Variants in HMBOX1 observed in about 807,000 individuals in gnomAD.
HMBOX1 encodes the protein homeobox containing 1.
A neutral mutation model predicts 54.5 loss-of-function variants in HMBOX1; 14 were observed. The ratio of observed to expected loss-of-function variants is 0.26; its 90% confidence interval spans 0.17 to 0.40. HMBOX1 has a LOEUF of 0.40. HMBOX1 is among the 10% of genes least tolerant of loss of function. The pLI, the probability that HMBOX1 is intolerant of heterozygous loss-of-function variation, is 1.00. For missense variants in HMBOX1, 332 were observed against 514.4 expected, an observed-to-expected ratio of 0.65 and a Z score of 3.43; for synonymous variants, 160 against 181.0, an observed-to-expected ratio of 0.88 and a Z score of 0.93.
At chr8:29,011,968 AT>A (rs984920782) in intron 5 of HMBOX1, among the ~76,000 whole-genome samples, 1 of 152,088 alleles carries the variant, frequency 6.6e-6, no homozygotes, top group African/African-American at 2.4e-5. Context: ...AGTACTTTCT[AT>A]TTTTTGTTTA....
chr8:29,012,781 A>G (rs1318726598), intron 5 of HMBOX1, among the ~76,000 whole-genome samples: 1 of 152,216 alleles, frequency 6.6e-6, no homozygotes, highest in Non-Finnish European at 1.5e-5. Flanking sequence ...TCTGCCTTGT[A>G]AGATTAAAAA....
At chr8:28,964,008 T>C (rs897132263) in intron 2 of HMBOX1, 118 bp downstream of exon 2, 21 of 717,498 alleles carry the variant, frequency 2.9e-5, no homozygotes, top group Non-Finnish European at 1.9e-5. Flanking sequence ...AAAGCTTTTT[T>C]AGAAAATGAA....
chr8:28,983,497 G>C (rs1389034362), intron 4 of HMBOX1, among the ~76,000 whole-genome samples: 1 of 152,156 alleles, frequency 6.6e-6, no homozygotes, highest in South Asian at 2.1e-4. Context: ...AGTCCTTGCA[G>C]ACCTCTCTTT....
At chr8:28,904,281 CTCT>C in intron 1 of HMBOX1, among the ~76,000 whole-genome samples, 1 of 140,618 alleles carries the variant, frequency 7.1e-6, no homozygotes, top group African/African-American at 2.7e-5. Context: ...CGGAGTCTTG[CTCT>C]GTCTTCAGGC....
chr8:28,983,349 A>C (rs572535392), intron 4 of HMBOX1, among the ~76,000 whole-genome samples: 4 of 152,312 alleles, frequency 2.6e-5, no homozygotes, highest in African/African-American at 9.6e-5. Flanking sequence ...TGCCATTCCC[A>C]GAATTCTGCC....
intron 1 of HMBOX1, among the ~76,000 whole-genome samples, chr8:28,913,374 T>G (rs950977651): frequency 5.3e-5 from 8 of 152,186 alleles, no homozygotes; most frequent in African/African-American, 1.4e-4. Context: ...TGGGCAAGCT[T>G]TTTCCTGCCT....
chr8:29,000,627 G>A (rs538045148), intron 4 of HMBOX1, among the ~76,000 whole-genome samples: 22 of 152,358 alleles, frequency 1.4e-4, no homozygotes, highest in African/African-American at 5.1e-4. Context: ...CACTGAGTGA[G>A]ATCTTGAGTC....
Position 28,970,141 on chromosome 8 carries a change from A to G in HMBOX1, c.122A>G (p.His41Arg), listed in dbSNP as rs1827140594. 1.9e-6 allele frequency: 3 copies of G among 1,614,178 alleles called. No homozygotes were observed. The highest frequency in any genetic ancestry group is 2.5e-6 in the Non-Finnish European group (3 of 1,180,008). ...QRLRRTGMTK[H>R]EILHALETLD... ...CTTCGGCGTACTGGAATGACTAAAC[A>G]TGAAATTCTCCATGCCTTGGAAACT... The change falls in exon 3 of 10, where the codon CAT (histidine) becomes CGT (arginine). Residue 41 changes from histidine (H) to arginine (R), a missense_variant. Transcript: ENST00000287701. The surrounding 1 kb of genome is among the most constrained non-coding windows in gnomAD (Gnocchi z 4.3).
intron 4 of HMBOX1, among the ~76,000 whole-genome samples, chr8:29,007,685 G>C (rs565965139): frequency 6.6e-6 from 1 of 152,100 alleles, no homozygotes; most frequent in Admixed American, 6.5e-5. Context: ...GGATGTGGTG[G>C]GGCCTGGTAC....
At chr8:28,940,480 G>A (rs188991244) in intron 1 of HMBOX1, among the ~76,000 whole-genome samples, 102 of 152,300 alleles carry the variant, frequency 6.7e-4, no homozygotes, top group African/African-American at 2.3e-3. Context: ...TATTTGTATT[G>A]TTATTTATGT....
At chr8:29,014,975 C>T (rs547854504) in intron 5 of HMBOX1, among the ~76,000 whole-genome samples, 2 of 152,272 alleles carry the variant, frequency 1.3e-5, no homozygotes, top group East Asian at 3.9e-4. Context: ...CCACCGCGCC[C>T]GGCCTTGATT....
Position 28,890,618 on chromosome 8 carries a change from C to A in HMBOX1, c.-118C>A, listed in dbSNP as rs1228722043. The A allele has an allele frequency of 6.5e-6, 1 of 152,834 alleles. No individual in the cohort carries two copies. The highest frequency in any genetic ancestry group is 1.5e-5 in the Non-Finnish European group (1 of 68,166). 9.5% of individuals were successfully genotyped at this position (152,834 alleles called of 1,614,324 possible). On this transcript the variant is annotated 5_prime_UTR_variant, in exon 1 of 10. Coordinates refer to ENST00000287701, the MANE Select transcript of HMBOX1 (RefSeq NM_001135726.3). ...TTCCCTCCTCCCTATCTCAGCCCTTCGTACTGGGACGTTGGGGAGGGGGCT... is the reference window on the plus strand; with the variant it reads ...TTCCCTCCTCCCTATCTCAGCCCTTAGTACTGGGACGTTGGGGAGGGGGCT...
intron 1 of HMBOX1, among the ~76,000 whole-genome samples, chr8:28,956,231 A>G (rs1193573889): frequency 6.6e-6 from 1 of 151,972 alleles, no homozygotes; most frequent in African/African-American, 2.4e-5. Flanking sequence ...CTTGACTTCT[A>G]GTGCATTTGA....
chr8:29,027,427 T>C (rs1294220873), intron 6 of HMBOX1, among the ~76,000 whole-genome samples: 4 of 152,222 alleles, frequency 2.6e-5, no homozygotes, highest in African/African-American at 4.8e-5. Context: ...ACTTCTAATG[T>C]ACTCTTTCCT....
At chr8:28,927,728 C>A (rs1245645994) in intron 1 of HMBOX1, among the ~76,000 whole-genome samples, 1 of 143,186 alleles carries the variant, frequency 7.0e-6, no homozygotes. Context: ...CCCACTGGAA[C>A]AACTTTTATA....
intron 5 of HMBOX1, among the ~76,000 whole-genome samples, chr8:29,015,314 T>G (rs1484553711): frequency 6.6e-6 from 1 of 152,204 alleles, no homozygotes; most frequent in Non-Finnish European, 1.5e-5. Context: ...CTACCTGGAA[T>G]TCACTGACCT....
chr8:28,972,949 G>C (rs770673078), intron 3 of HMBOX1, among the ~76,000 whole-genome samples: 1 of 151,976 alleles, frequency 6.6e-6, no homozygotes, highest in Non-Finnish European at 1.5e-5. Flanking sequence ...ACCACTTGTC[G>C]CATAATCAGG....
At chr8:29,041,995 A>G (rs1189029808) in intron 6 of HMBOX1, among the ~76,000 whole-genome samples, 3 of 152,174 alleles carry the variant, frequency 2.0e-5, no homozygotes, top group Non-Finnish European at 2.9e-5. Context: ...CCAAAGAGCT[A>G]TGGCTTAAAA....
At chr8:29,001,956 T>G (rs939597400) in intron 4 of HMBOX1, among the ~76,000 whole-genome samples, 1 of 152,182 alleles carries the variant, frequency 6.6e-6, no homozygotes. Context: ...AAGGCTGGAA[T>G]GTGGAGATGG....
Sources: allele counts gnomAD v4.1 joint callset (sites outside exome capture counted in the v4.1 genomes callset), GRCh38; gene constraint gnomAD v4.1.1; non-coding constraint Gnocchi (gnomAD v3.1); transcripts MANE v1.5; gene names NCBI Gene and HGNC (gene_info 2026-07-23, HGNC 2026-07-21).